Variants in NUAK1 observed in about 807,000 individuals in gnomAD.
NUAK1 encodes the protein NUAK family kinase 1.
In NUAK1, 26 loss-of-function variants were observed where a neutral mutation model predicts 56.9. The ratio of observed to expected loss-of-function variants is 0.46; its 90% CI spans 0.33 to 0.63. NUAK1 has a LOEUF of 0.63. Ranked by LOEUF, NUAK1 falls within the 30% of genes least tolerant of loss-of-function variation. The pLI, the probability that NUAK1 is intolerant of heterozygous loss-of-function variation, is 0.02. For synonymous variants in NUAK1, 337 were observed against 336.0 expected, an observed-to-expected ratio of 1.00 and a Z score of -0.03; for missense variants, 727 against 876.1, an observed-to-expected ratio of 0.83 and a Z score of 2.15.
intron 6 of NUAK1, among the ~76,000 whole-genome samples, chr12:106,069,747 C>T (rs181937496): frequency 6.8e-4 from 104 of 152,204 alleles, no homozygotes; most frequent in African/African-American, 2.4e-3. Context: ...TAGAACATAA[C>T]TACTATGAAT....
intron 1 of NUAK1, among the ~76,000 whole-genome samples, chr12:106,133,669 T>G (rs2033102972): frequency 2.0e-5 from 3 of 152,192 alleles, no homozygotes; most frequent in Admixed American, 6.5e-5. Context: ...CACAGTGGGA[T>G]GCACCACAAG....
intron 1 of NUAK1, among the ~76,000 whole-genome samples, chr12:106,127,282 G>A (rs2033033069): frequency 6.6e-6 from 1 of 151,904 alleles, no homozygotes; most frequent in East Asian, 1.9e-4. Flanking sequence ...CTCCCATCTT[G>A]GCCCCCCAAG....
intron 1 of NUAK1, among the ~76,000 whole-genome samples, chr12:106,120,774 G>A (rs902649163): frequency 1.3e-5 from 2 of 152,196 alleles, no homozygotes; most frequent in Non-Finnish European, 2.9e-5. Flanking sequence ...TCTCGGCCCA[G>A]GTCCAGTGCA....
At chr12:106,115,787 C>T (rs1379367326) in intron 1 of NUAK1, among the ~76,000 whole-genome samples, 1 of 152,188 alleles carries the variant, frequency 6.6e-6, no homozygotes, top group Non-Finnish European at 1.5e-5. Flanking sequence ...TGGGGATGAG[C>T]CTCGCCCAGT....
At chr12:106,126,172 T>C (rs1210577593) in intron 1 of NUAK1, among the ~76,000 whole-genome samples, 1 of 152,162 alleles carries the variant, frequency 6.6e-6, no homozygotes, top group Non-Finnish European at 1.5e-5. Flanking sequence ...GAGGGATAAA[T>C]GTGGACCACA....
At chr12:106,068,011 G>A in intron 6 of NUAK1, 56 bp from the exon 7 acceptor site, 1 of 1,523,220 alleles carries the variant, frequency 6.6e-7, no homozygotes, top group Non-Finnish European at 8.9e-7. Flanking sequence ...CTGGCTTTGT[G>A]ATAGTGGGAC....
chr12:106,130,514 G>A (rs1464711873), intron 1 of NUAK1, among the ~76,000 whole-genome samples: 2 of 152,184 alleles, frequency 1.3e-5, no homozygotes, highest in African/African-American at 4.8e-5. Context: ...ATGTGGGGAT[G>A]TTAGGTCTTT....
chr12:106,064,793 A>ACCCCCCCCCCCCCCCCCC lies in NUAK1; in HGVS notation c.*2008_*2009insGGGGGGGGGGGGGGGGGG, dbSNP rs57837292. Reference sequence around the variant, plus strand: ...TTGTCCTCCATGCACCCACACCCCCACCCCCCCCCACACACACAATTTGCT... The same window carrying ACCCCCCCCCCCCCCCCCC: ...TTGTCCTCCATGCACCCACACCCCCACCCCCCCCCCCCCCCCCCCCCCCCCCCACACACACAATTTGCT... On this transcript the variant is annotated 3_prime_UTR_variant, in exon 7 of 7. Transcript: ENST00000261402. The ACCCCCCCCCCCCCCCCCC allele has an allele frequency of 1.7e-5, 2 of 114,570 alleles. No individual in the cohort carries two copies. The highest frequency in any genetic ancestry group is 3.7e-5 in the Non-Finnish European group (2 of 54,356). 7.1% of individuals were successfully genotyped at this position (114,570 alleles called of 1,614,324 possible). A position where few individuals can be genotyped will look rare whatever the true frequency, so the allele number is the denominator to read the frequency against.
chr12:106,132,775 C>T (rs976038824), intron 1 of NUAK1, among the ~76,000 whole-genome samples: 13 of 152,150 alleles, frequency 8.5e-5, no homozygotes, highest in African/African-American at 3.1e-4. Flanking sequence ...CTTATCTTCC[C>T]AACCTCAACT....
intron 4 of NUAK1, among the ~76,000 whole-genome samples, chr12:106,080,725 C>T (rs1223522793): frequency 6.6e-6 from 1 of 152,206 alleles, no homozygotes; most frequent in Non-Finnish European, 1.5e-5. Context: ...TTTATATAGG[C>T]TTCCTAGGCC....
chr12:106,088,940 G>A (rs2032604331), intron 2 of NUAK1, among the ~76,000 whole-genome samples: 1 of 152,204 alleles, frequency 6.6e-6, no homozygotes, highest in African/African-American at 2.4e-5. Flanking sequence ...AAATGAAGGG[G>A]GAAGGAGGAG....
In NUAK1 at chr12:106,067,996, A is replaced by C. The variant is rs1212833456; in HGVS notation, c.833-41T>G. 6.4e-7 allele frequency: 1 copy of C among 1,553,732 alleles called. No homozygotes were observed. The highest frequency in any genetic ancestry group is 1.8e-5 in the Admixed American group (1 of 54,448). ...CAAAAAGAATCGGGCATTATGTGGG[A>C]GCTTCTGGCTTTGTGATAGTGGGAC... On this transcript the variant is annotated intron_variant, in intron 6 of 6. Coordinates refer to ENST00000261402, the MANE Select transcript of NUAK1 (RefSeq NM_014840.3). The surrounding 1 kb of genome is among the most constrained non-coding windows in gnomAD (Gnocchi z 6.0).
At chr12:106,127,642 C>G (rs1030031279) in intron 1 of NUAK1, among the ~76,000 whole-genome samples, 1 of 152,186 alleles carries the variant, frequency 6.6e-6, no homozygotes, top group African/African-American at 2.4e-5. Flanking sequence ...GGGAGACTCT[C>G]CGTACACTTG....
At chr12:106,072,043 T>C (rs2032411179) in intron 5 of NUAK1, among the ~76,000 whole-genome samples, 1 of 152,204 alleles carries the variant, frequency 6.6e-6, no homozygotes, top group Non-Finnish European at 1.5e-5. Context: ...CATATACCCA[T>C]ATCTTACAGT....
chr12:106,104,474 T>C (rs76254754), intron 2 of NUAK1, among the ~76,000 whole-genome samples: 4,913 of 152,286 alleles, frequency 0.032, 276 homozygotes, highest in African/African-American at 0.11. Flanking sequence ...TAACACGAAG[T>C]AGACACTCCA....
At chr12:106,135,423 G>C (rs780058901) in intron 1 of NUAK1, among the ~76,000 whole-genome samples, 6 of 152,158 alleles carry the variant, frequency 3.9e-5, no homozygotes, top group Admixed American at 3.3e-4. Context: ...TGCCTTTCGC[G>C]GCACATAGAA....
At chr12:106,127,150 G>A (rs910001952) in intron 1 of NUAK1, among the ~76,000 whole-genome samples, 1 of 152,052 alleles carries the variant, frequency 6.6e-6, no homozygotes, top group African/African-American at 2.4e-5. Flanking sequence ...GGTTCTTTGA[G>A]GATGAGCATT....
At position 106,106,500 on chromosome 12, in the gene NUAK1, T is replaced by A. The variant is rs775635190; in HGVS notation, c.266A>T (p.Asp89Val). ...RVVAIKSIRK[D>V]KIKDEQDMVH... ...CATGTCTTGTTCATCCTTAATTTTG[T>A]CCTTACGAATGGATTTTATAGCAAC... is the stretch of plus-strand genomic sequence containing the variant. The change falls in exon 2 of 7, where the codon GAC becomes GTC. Residue 89 changes from aspartate (D) to valine (V), a missense_variant. Coordinates refer to ENST00000261402, the MANE Select transcript of NUAK1 (RefSeq NM_014840.3). The A allele has an allele frequency of 6.2e-7, 1 of 1,613,288 alleles. No individual in the cohort carries two copies. Among genetic ancestry groups the A allele is most frequent in the South Asian group, 1.1e-5 (1 of 90,954 alleles).
At chr12:106,115,964 T>G (rs1049586904) in intron 1 of NUAK1, among the ~76,000 whole-genome samples, 1 of 152,154 alleles carries the variant, frequency 6.6e-6, no homozygotes, top group Non-Finnish European at 1.5e-5. Context: ...CATTAACATT[T>G]TCGGTTGACC....
Sources: allele counts gnomAD v4.1 joint callset (sites outside exome capture counted in the v4.1 genomes callset), GRCh38; gene constraint gnomAD v4.1.1; non-coding constraint Gnocchi (gnomAD v3.1); transcripts MANE v1.5; gene names NCBI Gene and HGNC (gene_info 2026-07-23, HGNC 2026-07-21).